GDA: variants seen among roughly 807,000 people sequenced by gnomAD.
GDA encodes cytoplasmic PSD-95 interactor.
GDA carries 18 observed loss-of-function variants against 59.6 expected under a neutral mutation model. The observed-to-expected ratio is 0.30, with a 90% CI of 0.21 to 0.45. GDA has a LOEUF of 0.45. Ranked by LOEUF, GDA falls within the 20% of genes least tolerant of loss-of-function variation. The probability of loss-of-function intolerance (pLI) is 1.00; values close to 1 mark genes in which losing one functional copy is unlikely to be tolerated. For missense variants in GDA, 427 were observed against 552.3 expected (o/e 0.77, Z 2.27); for synonymous variants, 201 against 201.1 (o/e 1.00, Z 0.00).
intron 1 of GDA, among the ~76,000 whole-genome samples, chr9:72,139,881 G>A (rs944162988): frequency 2.6e-5 from 4 of 152,014 alleles, no homozygotes; most frequent in African/African-American, 7.3e-5. Flanking sequence ...ATATTTATGC[G>A]GGTTATATTT....
chr9:72,137,242 C>CTTTTTTTTTTTTTTTTTTTTT (rs143364725), intron 1 of GDA, among the ~76,000 whole-genome samples: 1 of 84,506 alleles, frequency 1.2e-5, no homozygotes, highest in African/African-American at 4.6e-5. Context: ...TTCTTTTTTT[C>CTTTTTTTTTTTTTTTTTTTTT]TTTTTTTTTT....
chr9:72,143,489 T>C (rs1826516711), intron 1 of GDA, among the ~76,000 whole-genome samples: 1 of 152,138 alleles, frequency 6.6e-6, no homozygotes, highest in South Asian at 2.1e-4. Context: ...TAAATTTTAC[T>C]AACGTGCTAC....
At position 72,241,244 on chromosome 9, in the gene GDA, A is replaced by T; in HGVS notation, c.1081A>T (p.Lys361Ter). 1 of 1,609,518 alleles carries T rather than the reference A, an allele frequency of 6.2e-7. No homozygotes were observed. The highest frequency in any genetic ancestry group is 8.5e-7 in the Non-Finnish European group (1 of 1,176,454). Residue 361 changes from lysine (K) to a stop codon, truncating the protein, a stop_gained, in exon 11 of 14, where the codon AAA (lysine) becomes TAA (stop). Coordinates refer to ENST00000358399, the MANE Select transcript of GDA (RefSeq NM_004293.5). LOFTEE classifies it high-confidence loss of function. The stretch of plus-strand genomic sequence containing the variant: ...CCTTTTAATTAATAAGGTAAATGAG[A>T]AAAGCCTCACCCTCAAAGAAGTCTT... ...NILLINKVNEKSLTLKEVFRL... is the reference protein window; with the variant it reads ...NILLINKVNE
Position 72,249,675 on chromosome 9 carries a change from A to G in GDA, c.*1333A>G, listed in dbSNP as rs2131876448. On this transcript the variant is annotated 3_prime_UTR_variant, in exon 14 of 14. Transcript: ENST00000358399. ...TTGGTGTGAATGTTATTTAAATTCT[A>G]TATTTTTCTTATTTAATTACAAATA... 3.1e-6 allele frequency: 2 copies of G among 650,448 alleles called. No individual in the cohort carries two copies. Among genetic ancestry groups the G allele is most frequent in the South Asian group, 1.4e-4 (2 of 14,310 alleles). The allele number at this position is 650,448 out of a possible 1,614,324, so 40.3% of individuals were successfully genotyped here.
At chr9:72,248,244 A>G in intron 13 of GDA, 28 bp from the exon 14 acceptor site, 1 of 1,483,264 alleles carries the variant, frequency 6.7e-7, no homozygotes, top group Non-Finnish European at 9.4e-7. Context: ...AAAGGATTTT[A>G]TACATGATTC....
chr9:72,258,923 G>T (rs1213111136), downstream of GDA, among the ~76,000 whole-genome samples: 2 of 152,152 alleles, frequency 1.3e-5, no homozygotes, highest in African/African-American at 2.4e-5. Context: ...TAGGCTTCTT[G>T]CAGGGCCAGC....
rs553742275 is a variant in GDA at position 72,230,574 on chromosome 9, A to T, written c.921-540A>T. Among the ~76,000 whole-genome samples, 5 of 151,818 alleles carry T rather than the reference A, an allele frequency of 3.3e-5. No individual in the cohort carries two copies. In the South Asian group the frequency reaches 1.0e-3, roughly 32 times the overall value. ...CACAAGGTCCCAAATTCAGCCCAGG[A>T]ACCATCTATCCTACTTTCTCTGTCT... is the stretch of plus-strand genomic sequence containing the variant. On this transcript the variant is annotated intron_variant, in intron 9 of 13. Coordinates refer to ENST00000358399, the MANE Select transcript of GDA (RefSeq NM_004293.5).
intron 1 of GDA, among the ~76,000 whole-genome samples, chr9:72,169,967 C>T (rs138116613): frequency 0.011 from 1,741 of 152,264 alleles, 12 homozygotes; most frequent in Non-Finnish European, 0.017. Flanking sequence ...TGTATCTAAG[C>T]GTCCAGGAGG....
intron 1 of GDA, among the ~76,000 whole-genome samples, chr9:72,128,499 G>A (rs1044481602): frequency 4.6e-5 from 7 of 152,012 alleles, no homozygotes; most frequent in Admixed American, 1.3e-4. Flanking sequence ...GCATTTTATA[G>A]CCATTACCTT....
chr9:72,176,011 T>C (rs1483015630), intron 1 of GDA, among the ~76,000 whole-genome samples: 2 of 152,146 alleles, frequency 1.3e-5, no homozygotes, highest in African/African-American at 4.8e-5. Context: ...TAAAAATGTA[T>C]TGTCCTCACA....
chr9:72,173,492 G>A (rs868671122), intron 1 of GDA, among the ~76,000 whole-genome samples: 16 of 152,040 alleles, frequency 1.1e-4, no homozygotes, highest in South Asian at 2.1e-4. Context: ...CACCACGCCC[G>A]GCTAATTTTT....
rs753976757 is a variant in GDA at position 72,195,503 on chromosome 9, G to T, written c.127G>T (p.Val43Leu). ...LLGVSDSGKI[V>L]FLEEASQQEK... is the part of the protein sequence containing the mutation. ...CTTTTCTTTCTTTCTTTTAAAGATA[G>T]TGTTTTTAGAAGAAGCATCTCAACA... is the stretch of plus-strand genomic sequence containing the variant. Residue 43 changes from valine to leucine, a missense_variant, in exon 2 of 14, where the codon GTG becomes TTG. Val to Leu is a conservative substitution (Grantham distance 32, BLOSUM62 1). Coordinates refer to ENST00000358399, the MANE Select transcript of GDA (RefSeq NM_004293.5). 7.1e-7 allele frequency: 1 copy of T among 1,412,422 alleles called. No homozygotes were observed. 87.5% of individuals were successfully genotyped at this position (1,412,422 alleles called of 1,614,324 possible).
At chr9:72,184,378 A>G (rs1049858264) in intron 1 of GDA, among the ~76,000 whole-genome samples, 2 of 151,814 alleles carry the variant, frequency 1.3e-5, no homozygotes, top group Non-Finnish European at 2.9e-5. Context: ...TCCCCCTCCA[A>G]CCCTTGACAA....
chr9:72,245,604 G>A (rs1057453778), intron 12 of GDA, among the ~76,000 whole-genome samples: 5 of 152,216 alleles, frequency 3.3e-5, no homozygotes, highest in South Asian at 2.1e-4. Flanking sequence ...AATTTTGTTC[G>A]ATCATCAGAG....
intron 1 of GDA, among the ~76,000 whole-genome samples, chr9:72,150,712 G>A (rs1449080010): frequency 6.6e-6 from 1 of 152,202 alleles, no homozygotes; most frequent in Non-Finnish European, 1.5e-5. Flanking sequence ...CCGAGTCGGT[G>A]ACAGTTTTGA....
chr9:72,149,530 A>AGCAGACCCGCGCTGCGCTCCGCC lies in GDA; in HGVS notation c.-27_-5dup. 3.1e-6 allele frequency: 5 copies of AGCAGACCCGCGCTGCGCTCCGCC among 1,606,358 alleles called. No homozygotes were observed. The highest frequency in any genetic ancestry group is 4.2e-6 in the Non-Finnish European group (5 of 1,178,240). ...TCCGCCGCGTGCGCCCTCCTCGACC[A>AGCAGACCCGCGCTGCGCTCCGCC]GCAGACCCGCGCTGCGCTCCGCCGC... On this transcript the variant is annotated 5_prime_UTR_variant, in exon 1 of 14. Coordinates refer to ENST00000358399, the MANE Select transcript of GDA (RefSeq NM_004293.5).
At chr9:72,141,609 C>T (rs1826442831) in intron 1 of GDA, among the ~76,000 whole-genome samples, 1 of 152,092 alleles carries the variant, frequency 6.6e-6, no homozygotes, top group Non-Finnish European at 1.5e-5. Flanking sequence ...GAGTGGAGTC[C>T]AATCTCATTA....
downstream of GDA, among the ~76,000 whole-genome samples, chr9:72,256,479 C>T (rs2131910327): frequency 6.6e-6 from 1 of 152,282 alleles, no homozygotes; most frequent in East Asian, 1.9e-4. Flanking sequence ...CTGTTGGGTA[C>T]ATAGTCCGCA....
intron 9 of GDA, among the ~76,000 whole-genome samples, 156 bp from the exon 10 acceptor site, chr9:72,230,958 T>C (rs890731061): frequency 1.3e-5 from 2 of 152,160 alleles, no homozygotes; most frequent in African/African-American, 4.8e-5. Context: ...ACTCCAGGAC[T>C]TGGATGGTCT....
Sources: gnomAD v4.1 joint callset for allele counts (sites outside exome capture counted in the v4.1 genomes callset) on GRCh38, gnomAD v4.1.1 for gene constraint, MANE v1.5 for transcripts, NCBI Gene and HGNC (gene_info 2026-07-23, HGNC 2026-07-21) for gene names.